Variants in CAMTA1 observed in about 807,000 individuals in gnomAD.
The protein encoded by CAMTA1 is calmodulin binding transcription activator 1.
CAMTA1 carries 27 observed loss-of-function variants against 170.9 expected under a neutral mutation model. That is an observed-to-expected ratio of 0.16 (90% CI 0.12 to 0.22). The LOEUF is 0.22. Ranked by LOEUF, CAMTA1 falls within the 10% of genes least tolerant of loss-of-function variation. The probability of loss-of-function intolerance (pLI) is 1.00; values close to 1 mark genes in which losing one functional copy is unlikely to be tolerated. For missense variants in CAMTA1, 1,619 were observed against 2,217.2 expected (o/e 0.73, Z 5.42); for synonymous variants, 833 against 891.5 (o/e 0.93, Z 1.17).
chr1:7,646,678 G>A (rs2095807995), intron 7 of CAMTA1, among the ~76,000 whole-genome samples: 1 of 150,262 alleles, frequency 6.7e-6, no homozygotes, highest in African/African-American at 2.5e-5. Flanking sequence ...TGGAGGCCAT[G>A]GTGACTGTGA....
At chr1:7,383,737 G>T (rs575593104) in intron 5 of CAMTA1, among the ~76,000 whole-genome samples, 19 of 152,142 alleles carry the variant, frequency 1.2e-4, no homozygotes, top group Admixed American at 4.6e-4. Flanking sequence ...GGTGGTGCTG[G>T]TGCTGCTGAT....
At chr1:7,175,525 C>A (rs895346063) in intron 4 of CAMTA1, among the ~76,000 whole-genome samples, 4 of 152,224 alleles carry the variant, frequency 2.6e-5, no homozygotes, top group South Asian at 2.1e-4. Flanking sequence ...TTGTATTAAG[C>A]CATAAGCAGA....
At chr1:7,019,772 G>C (rs1052476083) in intron 3 of CAMTA1, among the ~76,000 whole-genome samples, 2 of 152,218 alleles carry the variant, frequency 1.3e-5, no homozygotes, top group Admixed American at 1.3e-4. Flanking sequence ...AAATGTGACT[G>C]TTTCCTGGAG....
At position 7,768,484 on chromosome 1, in the gene CAMTA1, TA is replaced by T. The variant is rs1251555658; in HGVS notation, c.*1998del. On this transcript the variant is annotated 3_prime_UTR_variant, in exon 23 of 23. Transcript: ENST00000303635. ...AAAACTCAAGGCTTGTTGTGAAGCC[TA>T]AAAATATTCACAAATAAGCTTTTAA... 11 of 152,804 alleles carry T rather than the reference TA, an allele frequency of 7.2e-5. No individual in the cohort carries two copies. Among genetic ancestry groups the T allele is most frequent in the Admixed American group, 7.2e-4 (11 of 15,284 alleles). The allele number at this position is 152,804 out of a possible 1,614,324, so 9.5% of individuals were successfully genotyped here. A position where few individuals can be genotyped will look rare whatever the true frequency, so the allele number is the denominator to read the frequency against.
Position 6,971,715 on chromosome 1 carries a change from AG to A in CAMTA1, c.235-119587del, listed in dbSNP as rs1235306057. Among the ~76,000 whole-genome samples, 1 of 152,158 alleles carries A rather than the reference AG, an allele frequency of 6.6e-6. No homozygotes were observed. The highest frequency in any genetic ancestry group is 2.4e-5 in the African/African-American group (1 of 41,436). On this transcript the variant is annotated intron_variant, in intron 3 of 22. Transcript: ENST00000303635. The surrounding 1 kb of genome is among the most constrained non-coding windows in gnomAD (Gnocchi z 4.6). Reference sequence around the variant, plus strand: ...CCCATGACCATCCTCCATGCTTATTAGGTAAGTGATTGGTGTGGATTCCTGC... The same window carrying A: ...CCCATGACCATCCTCCATGCTTATTAGTAAGTGATTGGTGTGGATTCCTGC...
rs1283385044 is a variant in CAMTA1 at position 7,732,817 on chromosome 1, C to A, written c.3066+218C>A. On this transcript the variant is annotated intron_variant, in intron 12 of 22. Coordinates refer to ENST00000303635, the MANE Select transcript of CAMTA1 (RefSeq NM_015215.4). The surrounding 1 kb of genome is among the most constrained non-coding windows in gnomAD (Gnocchi z 4.1). ...ATGTGGAGCTTCTCAGTTGTTTACC[C>A]CCCTAATCCTTAAGTTATCTCTATT... Among the ~76,000 whole-genome samples, 1 of 152,072 alleles carries A rather than the reference C, an allele frequency of 6.6e-6. No individual in the cohort carries two copies. Among genetic ancestry groups the A allele is most frequent in the Non-Finnish European group, 1.5e-5 (1 of 68,020 alleles).
At chr1:7,192,656 G>A (rs558992612) in intron 4 of CAMTA1, among the ~76,000 whole-genome samples, 154 of 152,302 alleles carry the variant, frequency 1.0e-3, no homozygotes, top group African/African-American at 3.5e-3. Context: ...CTGAGTGCAC[G>A]CTGCCCGCCA....
chr1:7,003,591 T>C (rs1012171056), intron 3 of CAMTA1, among the ~76,000 whole-genome samples: 2 of 151,220 alleles, frequency 1.3e-5, no homozygotes, highest in African/African-American at 4.9e-5. Context: ...CTGGACTTTA[T>C]TATTATGGTC....
At position 7,501,940 on chromosome 1, in the gene CAMTA1, A is replaced by T. The variant is rs1300600786; in HGVS notation, c.510+34039A>T. Among the ~76,000 whole-genome samples, 3 of 152,058 alleles carry T rather than the reference A, an allele frequency of 2.0e-5. No homozygotes were observed. In the East Asian group the frequency reaches 5.8e-4, roughly 29 times the overall value. ...GAGGCCTCCAGCTGAGGGCTTTGGG[A>T]CCCCTGGTGTTTGCAGCAAGCCTGA... On this transcript the variant is annotated intron_variant, in intron 6 of 22. Transcript: ENST00000303635.
chr1:6,835,647 C>CT (rs893569907), intron 3 of CAMTA1, among the ~76,000 whole-genome samples: 3 of 152,120 alleles, frequency 2.0e-5, no homozygotes, highest in Admixed American at 2.0e-4. Flanking sequence ...TCTCAGCCTC[C>CT]TGGAAGTGTG....
chr1:7,268,518 A>T (rs992746918), intron 5 of CAMTA1, among the ~76,000 whole-genome samples: 2 of 152,198 alleles, frequency 1.3e-5, no homozygotes. Flanking sequence ...GTGTGAAGAG[A>T]TGCTAATGAA....
At chr1:6,865,330 CCAGA>C (rs1361547452) in intron 3 of CAMTA1, among the ~76,000 whole-genome samples, 4 of 152,114 alleles carry the variant, frequency 2.6e-5, no homozygotes, top group East Asian at 3.8e-4. Context: ...CTCTCATTCA[CCAGA>C]CAGTTACTGG....
chr1:7,211,076 T>C (rs1338106812), intron 4 of CAMTA1, among the ~76,000 whole-genome samples: 1 of 152,220 alleles, frequency 6.6e-6, no homozygotes, highest in Non-Finnish European at 1.5e-5. Context: ...TAATGAACAT[T>C]TTATTATGCT....
intron 5 of CAMTA1, among the ~76,000 whole-genome samples, chr1:7,268,899 A>G (rs1453924219): frequency 6.6e-6 from 1 of 152,254 alleles, no homozygotes; most frequent in Non-Finnish European, 1.5e-5. Flanking sequence ...AAATATCCTC[A>G]GCCATTTAAA....
chr1:7,593,442 G>A (rs2095369657), intron 6 of CAMTA1, among the ~76,000 whole-genome samples: 1 of 151,678 alleles, frequency 6.6e-6, no homozygotes, highest in African/African-American at 2.4e-5. Flanking sequence ...CAAGGGTCGA[G>A]GAAGGACTCT....
At position 7,542,838 on chromosome 1, in the gene CAMTA1, A is replaced by AGTGTGT. The variant is rs373719721; in HGVS notation, c.510+74974_510+74979dup. Among the ~76,000 whole-genome samples, 245 of 56,016 alleles carry AGTGTGT rather than the reference A, an allele frequency of 4.4e-3. 1 individual carries two copies. The highest frequency in any genetic ancestry group is 0.011 in the African/African-American group (161 of 14,598). 36.7% of individuals were successfully genotyped at this position (56,016 alleles called of 152,430 possible). A position where few individuals can be genotyped will look rare whatever the true frequency, so the allele number is the denominator to read the frequency against. Reference sequence around the variant, plus strand: ...AGCCACCACGCCTGGCCTAAAACACAGTGTGTGTGTGTGTGTGTGTGTGTG... The same window carrying AGTGTGT: ...AGCCACCACGCCTGGCCTAAAACACAGTGTGTGTGTGTGTGTGTGTGTGTGTGTGTG... On this transcript the variant is annotated intron_variant, in intron 6 of 22. Transcript: ENST00000303635.
chr1:6,864,017 G>A (rs1318825613), intron 3 of CAMTA1, among the ~76,000 whole-genome samples: 2 of 152,128 alleles, frequency 1.3e-5, no homozygotes, highest in Non-Finnish European at 2.9e-5. Flanking sequence ...ATTAGACTTG[G>A]ATAATGGGTT....
intron 3 of CAMTA1, among the ~76,000 whole-genome samples, chr1:6,844,058 G>A (rs1003085392): frequency 6.6e-6 from 1 of 152,196 alleles, no homozygotes; most frequent in Non-Finnish European, 1.5e-5. Flanking sequence ...CTGTATAGCT[G>A]TGAAAACTAA....
intron 4 of CAMTA1, among the ~76,000 whole-genome samples, chr1:7,152,850 T>C (rs1011956009): frequency 2.0e-5 from 3 of 152,222 alleles, no homozygotes; most frequent in African/African-American, 7.2e-5. Context: ...GACCCTAACC[T>C]TTCACAGATG....
Sources: allele counts gnomAD v4.1 joint callset (sites outside exome capture counted in the v4.1 genomes callset), GRCh38; gene constraint gnomAD v4.1.1; non-coding constraint Gnocchi (gnomAD v3.1); transcripts MANE v1.5; gene names NCBI Gene and HGNC (gene_info 2026-07-23, HGNC 2026-07-21).